Variants in AGAP4 observed in about 807,000 individuals in gnomAD.
AGAP4 encodes the protein ArfGAP with GTPase domain, ankyrin repeat and PH domain 4.
AGAP4 carries 13 observed loss-of-function variants against 60.7 expected under a neutral mutation model. That is an observed-to-expected ratio of 0.21 (90% CI 0.14 to 0.34). The LOEUF (loss-of-function observed/expected upper bound fraction) is 0.34, where lower values mean the gene tolerates loss of function less well. Among genes scored for constraint, AGAP4 ranks in the 10% least tolerant of loss-of-function variants. The pLI is 1.00. For synonymous variants in AGAP4, 70 were observed against 339.0 expected (o/e 0.21, Z 8.72); for missense variants, 169 against 884.0 (o/e 0.19, Z 10.26).
At chr10:45,846,047 C>G (rs1298866576) in intron 2 of AGAP4, among the ~76,000 whole-genome samples, 1 of 131,200 alleles carries the variant, frequency 7.6e-6, no homozygotes, top group African/African-American at 2.9e-5. Context: ...CATTGAAAGT[C>G]TACATTGACG....
At position 45,846,084 on chromosome 10, in the gene AGAP4, A is replaced by G. The variant is rs1463140725; in HGVS notation, c.292+603T>C. Among the ~76,000 whole-genome samples, 22 of 143,496 alleles carry G rather than the reference A, an allele frequency of 1.5e-4. No individual in the cohort carries two copies. In the East Asian group the frequency reaches 2.1e-3, roughly 14 times the overall value. The allele number at this position is 143,496 out of a possible 152,430, so 94.1% of individuals were successfully genotyped here. ...TTCATGTCTTTTGAAAGTTTTGACC[A>G]TGAACCAATCCCCACCTCTCTTTTA... is the stretch of plus-strand genomic sequence containing the variant. On this transcript the variant is annotated intron_variant, in intron 2 of 7. Coordinates refer to ENST00000616763, the MANE Select transcript of AGAP4 (RefSeq NM_001276343.3).
rs1395438352 is a variant in AGAP4 at position 45,853,774 on chromosome 10, A to C, written n.102T>G. The C allele has an allele frequency of 9.3e-6, 12 of 1,287,802 alleles. No homozygotes were observed. In the African/African-American group the frequency reaches 1.8e-4, roughly 20 times the overall value. 79.8% of individuals were successfully genotyped at this position (1,287,802 alleles called of 1,614,324 possible). A position where few individuals can be genotyped will look rare whatever the true frequency, so the allele number is the denominator to read the frequency against. On this transcript the variant is annotated non_coding_transcript_exon_variant, in exon 1 of 10. Transcript: ENST00000430779. ...AAGACCTTACAGTTCTCATGGACAA[A>C]GTTTGTGAAGGCATCTTAGACAAGA...
rs2058967148 is a variant in AGAP4, at chr10:45,844,337, G to C, written c.350C>G (p.Ser117Cys). The change falls in exon 3 of 8, where the codon TCT (serine) becomes TGT (cysteine). Residue 117 changes from serine (S) to cysteine (C), a missense_variant. Transcript: ENST00000616763. ...PEASTIFQRNSQTDVVEIRRS... is the reference protein window; with the variant it reads ...PEASTIFQRNCQTDVVEIRRS... Reference sequence around the variant, plus strand: ...CAATGTCGTCTCACCATCTGTTTGAGAGTTCCTCTGGAATATTGTGCTTGC... The same window carrying C: ...CAATGTCGTCTCACCATCTGTTTGACAGTTCCTCTGGAATATTGTGCTTGC... 1.3e-6 allele frequency: 2 copies of C among 1,594,410 alleles called. No individual in the cohort carries two copies. Among genetic ancestry groups the C allele is most frequent in the Admixed American group, 3.3e-5 (2 of 59,810 alleles).
intron 4 of AGAP4, among the ~76,000 whole-genome samples, chr10:45,841,303 T>A (rs1248434607): frequency 1.2e-4 from 18 of 148,108 alleles, no homozygotes; most frequent in African/African-American, 4.2e-4. Context: ...AATTTCACCA[T>A]GTTGGTCAGG....
intron 4 of AGAP4, among the ~76,000 whole-genome samples, chr10:45,841,250 GCAC>G (rs2058912556): frequency 7.3e-6 from 1 of 137,426 alleles, no homozygotes; most frequent in East Asian, 2.2e-4. Flanking sequence ...TTACAGGCAT[GCAC>G]CACCACGCCC....
At chr10:45,843,787 T>G (rs1298592967) in intron 3 of AGAP4, among the ~76,000 whole-genome samples, 1 of 147,792 alleles carries the variant, frequency 6.8e-6, no homozygotes, top group Non-Finnish European at 1.5e-5. Context: ...TAAATTTACA[T>G]TATATCAAAT....
intron 6 of AGAP4, 113 bp downstream of exon 6, chr10:45,831,281 A>G: frequency 1.5e-6 from 2 of 1,356,008 alleles, no homozygotes; most frequent in Middle Eastern, 5.4e-4. Context: ...TTGCTTCAAT[A>G]TTTTAGTAGG....
Position 45,847,490 on chromosome 10 carries a change from G to A in AGAP4, c.-143C>T, listed in dbSNP as rs1235987553. On this transcript the variant is annotated 5_prime_UTR_variant, in exon 1 of 8. Coordinates refer to ENST00000616763, the MANE Select transcript of AGAP4 (RefSeq NM_001276343.3). ...CCTGCCCACCTCACAGCGCGGCCCC[G>A]GGCACCAGCCCTGGCCCTGGCCCTG... The A allele has an allele frequency of 2.5e-5, 38 of 1,528,510 alleles. No homozygotes were observed. Among genetic ancestry groups the A allele is most frequent in the East Asian group, 1.2e-4 (5 of 40,954 alleles). The allele number at this position is 1,528,510 out of a possible 1,614,324, so 94.7% of individuals were successfully genotyped here.
At chr10:45,837,928 G>T (rs1280040197) in intron 4 of AGAP4, among the ~76,000 whole-genome samples, 19 of 149,876 alleles carry the variant, frequency 1.3e-4, no homozygotes, top group Admixed American at 1.3e-3. Context: ...GACAACCACA[G>T]AGTGGGAGGA....
chr10:45,832,736 A>G (rs1416407035), intron 5 of AGAP4, among the ~76,000 whole-genome samples: 1,750 of 129,484 alleles, frequency 0.014, no homozygotes, highest in African/African-American at 0.057. Context: ...AAAACCTTGC[A>G]TAAGTGATCT....
upstream of AGAP4, among the ~76,000 whole-genome samples, chr10:45,851,234 A>C (rs1407624911): frequency 8.3e-4 from 126 of 152,170 alleles, 1 homozygote; most frequent in African/African-American, 2.9e-3. Flanking sequence ...GAATAGGGTG[A>C]TTTGCACGGC....
rs1277885073 is a variant in AGAP4, at chr10:45,838,706, T to C, written c.396+2947A>G. ...CTGCCTCAGCCTCCTGAGTAGGTAATACGAAAGGCGCATGCCACCAGGCCT... is the reference window on the plus strand; with the variant it reads ...CTGCCTCAGCCTCCTGAGTAGGTAACACGAAAGGCGCATGCCACCAGGCCT... On this transcript the variant is annotated intron_variant, in intron 4 of 7. Coordinates refer to ENST00000616763, the MANE Select transcript of AGAP4 (RefSeq NM_001276343.3). Among the ~76,000 whole-genome samples the C allele has an allele frequency of 2.0e-5, 3 of 151,510 alleles. No homozygotes were observed. The East Asian group carries it at 5.8e-4, about 29-fold the overall frequency.
Position 45,846,755 on chromosome 10 carries a change from G to C in AGAP4, c.224C>G (p.Ala75Gly). Residue 75 changes from alanine to glycine, a missense_variant and splice_region_variant, in exon 2 of 8, where the codon GCT becomes GGT. By Grantham distance (60) the Ala-to-Gly change is moderately conservative. Transcript: ENST00000616763. ...ATTGGCAGAAAGGTTAAACTCCAAA[G>C]CTATATGTATAGAGGGAGAAAAGAA... is the stretch of plus-strand genomic sequence containing the variant. ...HHVRDREMPE[A>G]LEFNLSANPE... 1 of 1,221,236 alleles carries C rather than the reference G, an allele frequency of 8.2e-7. No homozygotes were observed. Among genetic ancestry groups the C allele is most frequent in the South Asian group, 1.6e-5 (1 of 63,316 alleles). The allele number at this position is 1,221,236 out of a possible 1,614,324, so 75.6% of individuals were successfully genotyped here.
Position 45,844,548 on chromosome 10 carries a change from C to G in AGAP4, c.293-154G>C, listed in dbSNP as rs1240509391. ...TGTATAGACATAAGAGAGAGCCAGG[C>G]AAGATGGCACATGCTTGTAGTCCCA... On this transcript the variant is annotated intron_variant, in intron 2 of 7. Transcript: ENST00000616763. 1.6e-4 allele frequency: 210 copies of G among 1,337,130 alleles called. 23 individuals are homozygous for G. In the African/African-American group the frequency reaches 3.2e-3, roughly 21 times the overall value. 82.8% of individuals were successfully genotyped at this position (1,337,130 alleles called of 1,614,324 possible). A position where few individuals can be genotyped will look rare whatever the true frequency, so the allele number is the denominator to read the frequency against.
chr10:45,847,588 G>C (rs1475744924), upstream of AGAP4: 13 of 1,429,816 alleles, frequency 9.1e-6, 1 homozygote, highest in South Asian at 1.3e-4. Context: ...TTGTCTGGGA[G>C]GGTGAAGACC....
intron 6 of AGAP4, among the ~76,000 whole-genome samples, chr10:45,828,362 C>A (rs1316691982): frequency 6.7e-6 from 1 of 150,048 alleles, no homozygotes; most frequent in Non-Finnish European, 1.5e-5. Flanking sequence ...CATATTTTCA[C>A]TCTTCTAACC....
chr10:45,840,984 TGTAGCGG>T (rs2058907143), intron 4 of AGAP4, among the ~76,000 whole-genome samples: 1 of 124,650 alleles, frequency 8.0e-6, no homozygotes, highest in Non-Finnish European at 1.7e-5. Flanking sequence ...AAGATCATGG[TGTAGCGG>T]GGAAGGTATG....
At chr10:45,829,331 C>T (rs1590015553) in intron 6 of AGAP4, among the ~76,000 whole-genome samples, 1 of 134,124 alleles carries the variant, frequency 7.5e-6, no homozygotes, top group Non-Finnish European at 1.6e-5. Flanking sequence ...ACCAGAAGCG[C>T]TTTTTTTTTT....
chr10:45,849,530 G>C (rs1216108866), upstream of AGAP4, among the ~76,000 whole-genome samples: 1 of 150,900 alleles, frequency 6.6e-6, no homozygotes, highest in Non-Finnish European at 1.5e-5. Context: ...TTGTTGCCCA[G>C]TGAAATTGTT....
Sources: allele counts gnomAD v4.1 joint callset (sites outside exome capture counted in the v4.1 genomes callset), GRCh38; gene constraint gnomAD v4.1.1; transcripts MANE v1.5; gene names NCBI Gene and HGNC (gene_info 2026-07-23, HGNC 2026-07-21).